BMP8B: variants seen among roughly 807,000 people sequenced by gnomAD.
BMP8B encodes the protein bone morphogenetic protein 8 (osteogenic protein 2).
A neutral mutation model predicts 30.3 loss-of-function variants in BMP8B; 17 were observed. The ratio of observed to expected loss-of-function variants is 0.56; its 90% CI spans 0.38 to 0.84. The LOEUF (loss-of-function observed/expected upper bound fraction) is 0.84, where lower values mean the gene tolerates loss of function less well. Among genes scored for constraint, BMP8B ranks in the 40% least tolerant of loss-of-function variants. BMP8B has a pLI of 0.00. For synonymous variants in BMP8B, 131 were observed against 214.7 expected (o/e 0.61, Z 3.41); for missense variants, 253 against 494.6 (o/e 0.51, Z 4.63).
chr1:39,761,729 G>A (rs1485618702), intron 6 of BMP8B, among the ~76,000 whole-genome samples: 2 of 152,118 alleles, frequency 1.3e-5, no homozygotes, highest in Non-Finnish European at 2.9e-5. Flanking sequence ...TCCTCCTCCA[G>A]CTGCTGACTG....
At chr1:39,782,528 C>T (rs1307271700) in intron 1 of BMP8B, among the ~76,000 whole-genome samples, 3 of 151,808 alleles carry the variant, frequency 2.0e-5, no homozygotes, top group Non-Finnish European at 4.4e-5. Flanking sequence ...AGTGCAATGG[C>T]GCGATCTCGG....
At chr1:39,783,051 C>T (rs2124504404) in intron 1 of BMP8B, among the ~76,000 whole-genome samples, 1 of 152,296 alleles carries the variant, frequency 6.6e-6, no homozygotes, top group East Asian at 1.9e-4. Context: ...CACACCACCA[C>T]ACCTGGCCGG....
chr1:39,776,101 G>A (rs1201163951), intron 1 of BMP8B, among the ~76,000 whole-genome samples: 1 of 152,286 alleles, frequency 6.6e-6, no homozygotes, highest in Non-Finnish European at 1.5e-5. Flanking sequence ...CACAGGGGAC[G>A]GGGGCAGCAG....
intron 6 of BMP8B, chr1:39,762,230 T>G: frequency 3.2e-6 from 1 of 309,950 alleles, no homozygotes; most frequent in Non-Finnish European, 6.0e-6. Context: ...TGTGTGTGTG[T>G]GTGTTTTAAT....
intron 3 of BMP8B, chr1:39,769,732 G>A (rs773996695): frequency 6.2e-7 from 1 of 1,610,778 alleles, no homozygotes; most frequent in African/African-American, 1.3e-5. Context: ...TGGGCCTGAG[G>A]TTCGGGGACA....
intron 1 of BMP8B, among the ~76,000 whole-genome samples, chr1:39,777,895 G>A (rs958852263): frequency 6.6e-6 from 1 of 152,164 alleles, no homozygotes; most frequent in African/African-American, 2.4e-5. Context: ...CTCTCCCCGG[G>A]TGGCCCCGTC....
chr1:39,760,902 GC>G lies in BMP8B; in HGVS notation c.1060-335del, dbSNP rs111438774. Among the ~76,000 whole-genome samples, 412 of 152,198 alleles carry G rather than the reference GC, an allele frequency of 2.7e-3. 2 individuals are homozygous for G. The highest frequency in any genetic ancestry group is 9.4e-3 in the African/African-American group (391 of 41,532). ...AGGAGAACTGTGTGGCCAGGTTTGT[GC>G]CCTTAGTGAGGTCCCCAAGGGGGAG... On this transcript the variant is annotated intron_variant, in intron 6 of 6. Coordinates refer to ENST00000372827, the MANE Select transcript of BMP8B (RefSeq NM_001720.5).
intron 1 of BMP8B, among the ~76,000 whole-genome samples, chr1:39,776,681 A>G (rs986006583): frequency 6.6e-6 from 1 of 152,252 alleles, no homozygotes; most frequent in African/African-American, 2.4e-5. Context: ...ACAGCACCCA[A>G]GGGTGTCTTT....
chr1:39,770,492 G>A (rs1649882892), intron 3 of BMP8B: 3 of 1,610,322 alleles, frequency 1.9e-6, no homozygotes, highest in Non-Finnish European at 2.5e-6. Flanking sequence ...GTCTTCTGGG[G>A]GGAAAGCCCC....
At position 39,788,556 on chromosome 1, in the gene BMP8B, G is replaced by C; in HGVS notation, c.-71C>G. The C allele has an allele frequency of 1.0e-6, 1 of 993,310 alleles. No homozygotes were observed. The highest frequency in any genetic ancestry group is 4.5e-5 in the South Asian group (1 of 22,128). The allele number at this position is 993,310 out of a possible 1,614,324, so 61.5% of individuals were successfully genotyped here. A position where few individuals can be genotyped will look rare whatever the true frequency, so the allele number is the denominator to read the frequency against. On this transcript the variant is annotated 5_prime_UTR_variant, in exon 1 of 7. Coordinates refer to ENST00000372827, the MANE Select transcript of BMP8B (RefSeq NM_001720.5). This position sits in a 1 kb window ranked among gnomAD's most constrained non-coding sequence, Gnocchi z 5.8. The stretch of plus-strand genomic sequence containing the variant: ...GGCTCCGCGGCCGACCCAGGGCCTG[G>C]GGACGCCCCGACGGCAAGGAGGCTG...
At chr1:39,766,739 T>G (rs1366605130) in intron 3 of BMP8B, among the ~76,000 whole-genome samples, 17 of 142,464 alleles carry the variant, frequency 1.2e-4, no homozygotes, top group Non-Finnish European at 7.6e-5. Flanking sequence ...CCAGAGAGAA[T>G]CCACTGGGCA....
At chr1:39,769,797 A>G (rs1383686944) in intron 3 of BMP8B, 1 of 1,613,602 alleles carries the variant, frequency 6.2e-7, no homozygotes, top group Non-Finnish European at 8.5e-7. Flanking sequence ...AGGCCCTCCC[A>G]GAGCTCCCTC....
chr1:39,760,295 T>G lies in BMP8B; in HGVS notation c.*124A>C. ...CATGAAGGAGAAAGGGTCATGTACGTGGTTGTGAGGGTCCTCCCTGGCAAT... is the reference window on the plus strand; with the variant it reads ...CATGAAGGAGAAAGGGTCATGTACGGGGTTGTGAGGGTCCTCCCTGGCAAT... On this transcript the variant is annotated 3_prime_UTR_variant, in exon 7 of 7. Transcript: ENST00000372827. 7.0e-7 allele frequency: 1 copy of G among 1,436,074 alleles called. No individual in the cohort carries two copies. Among genetic ancestry groups the G allele is most frequent in the Non-Finnish European group, 9.4e-7 (1 of 1,063,290 alleles). The allele number at this position is 1,436,074 out of a possible 1,614,324, so 89.0% of individuals were successfully genotyped here.
intron 1 of BMP8B, among the ~76,000 whole-genome samples, chr1:39,786,965 C>T (rs1651024040): frequency 6.6e-6 from 1 of 152,248 alleles, no homozygotes; most frequent in African/African-American, 2.4e-5. Flanking sequence ...CTGTTTTCCT[C>T]AGCCCAGACT....
chr1:39,780,957 A>G (rs959197519), intron 1 of BMP8B, among the ~76,000 whole-genome samples: 35 of 152,160 alleles, frequency 2.3e-4, no homozygotes, highest in African/African-American at 8.4e-4. Flanking sequence ...CGAGAGAAGG[A>G]TCTTGTCGGT....
Position 39,763,738 on chromosome 1 carries a change from C to T in BMP8B, c.922G>A (p.Val308Ile), listed in dbSNP as rs150985572. The change falls in exon 5 of 7, where the codon GTC (valine) becomes ATC (isoleucine). Residue 308 changes from valine (V) to isoleucine (I), a missense_variant. Physicochemically the swap from Val to Ile is conservative, Grantham distance 29 (BLOSUM62 3). Around this residue, in one of 7 missense-constraint regions of BMP8B, gnomAD observed 116 missense variants for 142.3 expected, o/e 0.81. Coordinates refer to ENST00000372827, the MANE Select transcript of BMP8B (RefSeq NM_001720.5). The part of the protein sequence containing the change: ...RQVCRRHELY[V>I]SFQDLGWLDW... ...AGCCAGCCGAGGTCCTGGAAGCTGA[C>T]GTAGAGCTCGTGCCGACGGCAGACC... 4.4e-5 allele frequency: 70 copies of T among 1,603,044 alleles called. 2 individuals are homozygous for T. Among genetic ancestry groups the T allele is most frequent in the Non-Finnish European group, 5.4e-5 (63 of 1,174,620 alleles).
At chr1:39,781,368 A>G (rs529700243) in intron 1 of BMP8B, among the ~76,000 whole-genome samples, 1 of 152,320 alleles carries the variant, frequency 6.6e-6, no homozygotes, top group South Asian at 2.1e-4. Context: ...TGGTCTTGCC[A>G]CTAACCAGCT....
chr1:39,784,502 G>A (rs1192885759), intron 1 of BMP8B, among the ~76,000 whole-genome samples: 1 of 125,634 alleles, frequency 8.0e-6, no homozygotes, highest in Non-Finnish European at 1.7e-5. Flanking sequence ...TGTATTATGT[G>A]TCTCTAGACT....
rs868425838 is a variant in BMP8B at position 39,762,570 on chromosome 1, T to A, written c.1059+522A>T. 1.9e-6 allele frequency: 3 copies of A among 1,550,142 alleles called. No homozygotes were observed. The African/African-American group carries it at 4.1e-5, about 21-fold the overall frequency. ...CCAGGGGATCCAGAAAAAACAAAGA[T>A]GGCCAAGAGAGAAACTGGGGGAAAA... On this transcript the variant is annotated intron_variant, in intron 6 of 6. Transcript: ENST00000372827.
Sources: gnomAD v4.1 joint callset for allele counts (sites outside exome capture counted in the v4.1 genomes callset) on GRCh38, gnomAD v4.1.1 for gene constraint, gnomAD v4.1.1 regional missense constraint, Gnocchi (gnomAD v3.1) non-coding constraint, MANE v1.5 for transcripts, NCBI Gene and HGNC (gene_info 2026-07-23, HGNC 2026-07-21) for gene names.